ABL2: variants seen among roughly 807,000 people sequenced by gnomAD.
The protein encoded by ABL2 is tyrosine-protein kinase ABL2.
In ABL2, 49 loss-of-function variants were observed where a neutral mutation model predicts 107.7. The ratio of observed to expected loss-of-function variants is 0.45; its 90% CI spans 0.36 to 0.58. The LOEUF (loss-of-function observed/expected upper bound fraction) is 0.58, where lower values mean the gene tolerates loss of function less well. Among genes scored for constraint, ABL2 ranks in the 20% least tolerant of loss-of-function variants. The probability of loss-of-function intolerance (pLI) is 0.00; values close to 1 mark genes in which losing one functional copy is unlikely to be tolerated. For missense variants in ABL2, 1,245 were observed against 1,457.0 expected (o/e 0.85, Z 2.37); for synonymous variants, 549 against 548.6 (o/e 1.00, Z -0.01).
At chr1:179,115,671 G>A (rs1654550016) in intron 8 of ABL2, among the ~76,000 whole-genome samples, 1 of 152,006 alleles carries the variant, frequency 6.6e-6, no homozygotes, top group Non-Finnish European at 1.5e-5. Flanking sequence ...TTGGTTTCAG[G>A]CATCCAAGGG....
At chr1:179,128,053 G>A (rs1046147010) in intron 3 of ABL2, among the ~76,000 whole-genome samples, 1 of 148,948 alleles carries the variant, frequency 6.7e-6, no homozygotes, top group African/African-American at 2.5e-5. Context: ...AAAAGCACAT[G>A]GCCAGAAGTA....
intron 5 of ABL2, among the ~76,000 whole-genome samples, chr1:179,120,948 A>G (rs1272120000): frequency 3.3e-5 from 5 of 152,180 alleles, no homozygotes; most frequent in Non-Finnish European, 5.9e-5. Context: ...CTTAGATCAT[A>G]ATCTTCTTAG....
At chr1:179,145,104 T>C (rs1657894976) in intron 1 of ABL2, among the ~76,000 whole-genome samples, 1 of 152,182 alleles carries the variant, frequency 6.6e-6, no homozygotes, top group African/African-American at 2.4e-5. Context: ...TATGCTACAA[T>C]GTAGATGGGC....
intron 3 of ABL2, among the ~76,000 whole-genome samples, chr1:179,130,935 A>AT (rs1656253442): frequency 7.6e-6 from 1 of 131,816 alleles, no homozygotes; most frequent in Non-Finnish European, 1.7e-5. Context: ...ATTTCAGGAT[A>AT]ATTTTTTTTT....
At chr1:179,199,545 T>C (rs2102840705) in intron 1 of ABL2, among the ~76,000 whole-genome samples, 1 of 152,268 alleles carries the variant, frequency 6.6e-6, no homozygotes, top group Non-Finnish European at 1.5e-5. Flanking sequence ...TACTCTAACA[T>C]TTTGAGTTAT....
intron 1 of ABL2, among the ~76,000 whole-genome samples, chr1:179,143,402 G>A (rs1259643277): frequency 6.6e-6 from 1 of 152,176 alleles, no homozygotes; most frequent in Non-Finnish European, 1.5e-5. Context: ...ATGATGAGGT[G>A]AGACTAGAGA....
intron 11 of ABL2, 81 bp from the exon 12 acceptor site, chr1:179,109,522 GT>G (rs1653834682): frequency 1.3e-6 from 2 of 1,515,740 alleles, no homozygotes; most frequent in Non-Finnish European, 1.8e-6. Flanking sequence ...TGCATTATGA[GT>G]TTTGTCAGCA....
rs184435592 is a variant in ABL2, at chr1:179,210,332, C to A, written c.157+18909G>T. Among the ~76,000 whole-genome samples the A allele has an allele frequency of 2.9e-3, 444 of 151,674 alleles. 2 individuals carry two copies. The highest frequency in any genetic ancestry group is 4.8e-3 in the Non-Finnish European group (329 of 67,910). On this transcript the variant is annotated intron_variant, in intron 1 of 11. Transcript: ENST00000502732. The stretch of plus-strand genomic sequence containing the variant: ...ACCATCCTGGCTAACACAGTGAAAC[C>A]CCACCTCTACCAAAAATACAAAAAT...
intron 1 of ABL2, among the ~76,000 whole-genome samples, chr1:179,206,810 A>T (rs937449944): frequency 1.3e-5 from 2 of 152,194 alleles, no homozygotes; most frequent in Non-Finnish European, 2.9e-5. Flanking sequence ...TAAAAAACTC[A>T]GCCATTTAGC....
Position 179,117,320 on chromosome 1 carries a change from T to C in ABL2, c.1408+12A>G, listed in dbSNP as rs777580594. 1 of 1,613,774 alleles carries C rather than the reference T, an allele frequency of 6.2e-7. No individual in the cohort carries two copies. The highest frequency in any genetic ancestry group is 2.2e-5 in the East Asian group (1 of 44,884). On this transcript the variant is annotated intron_variant, in intron 8 of 11. Transcript: ENST00000502732. Reference sequence around the variant, plus strand: ...ATAAAATGACACAGAAAAAAGTCCCTTTCAACCTTACCCCAGACGTCAGAT... The same window carrying C: ...ATAAAATGACACAGAAAAAAGTCCCCTTCAACCTTACCCCAGACGTCAGAT...
At chr1:179,119,037 AG>A (rs948099129) in intron 6 of ABL2, among the ~76,000 whole-genome samples, 6 of 152,166 alleles carry the variant, frequency 3.9e-5, no homozygotes, top group Admixed American at 3.9e-4. Flanking sequence ...TAATTCTATA[AG>A]GGGCCAAGAA....
At chr1:179,171,452 T>TA (rs1235636994) in intron 1 of ABL2, among the ~76,000 whole-genome samples, 3 of 152,204 alleles carry the variant, frequency 2.0e-5, no homozygotes, top group Non-Finnish European at 4.4e-5. Flanking sequence ...ATGTAGGTAT[T>TA]AAAAAATATA....
At chr1:179,214,187 A>G (rs1217703023) in intron 1 of ABL2, among the ~76,000 whole-genome samples, 1 of 152,058 alleles carries the variant, frequency 6.6e-6, no homozygotes, top group Non-Finnish European at 1.5e-5. Flanking sequence ...AATGAAAAAG[A>G]TTTTACTGAG....
chr1:179,147,322 C>A lies in ABL2; in HGVS notation c.158-13948G>T, dbSNP rs771181029. ...AGTATAGAAATTTCTCAAAGAACTA[C>A]AAGTAGAACTATACTTCAATCCAGC... On this transcript the variant is annotated intron_variant, in intron 1 of 11. Transcript: ENST00000502732. Among the ~76,000 whole-genome samples, 5 of 150,972 alleles carry A rather than the reference C, an allele frequency of 3.3e-5. No individual in the cohort carries two copies. In the South Asian group the frequency reaches 1.1e-3, roughly 32 times the overall value.
rs1653360388 is a variant in ABL2, at chr1:179,104,726, G to A, written c.*2992C>T. The A allele has an allele frequency of 4.7e-6, 1 of 214,884 alleles. No individual in the cohort carries two copies. Among genetic ancestry groups the A allele is most frequent in the East Asian group, 7.0e-5 (1 of 14,362 alleles). The allele number at this position is 214,884 out of a possible 1,614,324, so 13.3% of individuals were successfully genotyped here. A position where few individuals can be genotyped will look rare whatever the true frequency, so the allele number is the denominator to read the frequency against. Reference sequence around the variant, plus strand: ...CATTTTAAAGTGGGAAATCTAAACTGAAGTAATATTATCTGTACATGAAAG... The same window carrying A: ...CATTTTAAAGTGGGAAATCTAAACTAAAGTAATATTATCTGTACATGAAAG... On this transcript the variant is annotated 3_prime_UTR_variant, in exon 12 of 12. Coordinates refer to ENST00000502732, the MANE Select transcript of ABL2 (RefSeq NM_007314.4).
chr1:179,140,280 C>A (rs1217452700), intron 1 of ABL2, among the ~76,000 whole-genome samples: 1 of 152,120 alleles, frequency 6.6e-6, no homozygotes, highest in African/African-American at 2.4e-5. Flanking sequence ...GACCTTTGCG[C>A]TGGCTTTTCC....
chr1:179,229,193 A>ACCCCCC, intron 1 of ABL2, 48 bp downstream of exon 1: 1 of 307,260 alleles, frequency 3.3e-6, no homozygotes, highest in Non-Finnish European at 4.4e-6. Flanking sequence ...CCCCGACCCC[A>ACCCCCC]CCCCCGGCCT....
intron 1 of ABL2, among the ~76,000 whole-genome samples, chr1:179,182,886 G>A (rs1181568964): frequency 6.6e-6 from 1 of 152,082 alleles, no homozygotes; most frequent in African/African-American, 2.4e-5. Context: ...CTGATTTATG[G>A]AATATTTTAG....
intron 9 of ABL2, among the ~76,000 whole-genome samples, chr1:179,113,781 A>G (rs1239592462): frequency 6.6e-6 from 1 of 152,054 alleles, no homozygotes; most frequent in African/African-American, 2.4e-5. Flanking sequence ...TGCAAAAAAA[A>G]TTAGCCGGGC....
Sources: gnomAD v4.1 joint callset for allele counts (sites outside exome capture counted in the v4.1 genomes callset) on GRCh38, gnomAD v4.1.1 for gene constraint, MANE v1.5 for transcripts, NCBI Gene and HGNC (gene_info 2026-07-23, HGNC 2026-07-21) for gene names.